The following POLR2F variants were observed in gnomAD, a reference collection of about 807,000 sequenced individuals.
The protein encoded by POLR2F is RNA polymerase II, I and III subunit F.
Under a neutral mutation model 22.7 loss-of-function variants are expected in POLR2F, and 12 were observed. The ratio of observed to expected loss-of-function variants is 0.53; its 90% CI spans 0.34 to 0.86. POLR2F has a LOEUF of 0.86. Among genes scored for constraint, POLR2F ranks in the 40% least tolerant of loss-of-function variants. The probability of loss-of-function intolerance (pLI) is 0.02; values close to 1 mark genes in which losing one functional copy is unlikely to be tolerated. For synonymous variants in POLR2F, 57 were observed against 66.0 expected (o/e 0.86, Z 0.66); for missense variants, 126 against 171.5 (o/e 0.73, Z 1.48).
rs1023129675 is a variant in POLR2F at position 37,968,371 on chromosome 22, G to A, written c.*656G>A. The A allele has an allele frequency of 6.1e-6, 6 of 985,636 alleles. No individual in the cohort carries two copies. In the African/African-American group the frequency reaches 8.7e-5, roughly 14 times the overall value. 61.1% of individuals were successfully genotyped at this position (985,636 alleles called of 1,614,324 possible). On this transcript the variant is annotated 3_prime_UTR_variant, in exon 5 of 5. Coordinates refer to ENST00000442738, the MANE Select transcript of POLR2F (RefSeq NM_021974.5). ...CTCCTCCTCAGGACTCTGCCCACAC[G>A]CTGTCCTCTGTGGCCCACCTCTTTG...
intron 1 of POLR2F, chr22:37,988,055 G>T (rs1932632227): frequency 6.6e-6 from 1 of 152,012 alleles, no homozygotes; most frequent in African/African-American, 2.4e-5. Flanking sequence ...TGGGTGTGGT[G>T]GCTCACACCT....
At position 37,997,849 on chromosome 22, in the gene POLR2F, G is replaced by C. The variant is rs569720384; in HGVS notation, c.120+11537G>C. ...CCGTCTGTCGAGGGGGGACAGGCAG[G>C]AGGTAAGGATGCGTCCGAGCCTCCC... is the stretch of plus-strand genomic sequence containing the variant. On this transcript the variant is annotated intron_variant, in intron 1 of 2. Transcript: ENST00000333418. The surrounding 1 kb of genome is among the most constrained non-coding windows in gnomAD (Gnocchi z 4.4). Among the ~76,000 whole-genome samples, 2 of 152,296 alleles carry C rather than the reference G, an allele frequency of 1.3e-5. No homozygotes were observed. The highest frequency in any genetic ancestry group is 6.5e-5 in the Admixed American group (1 of 15,288).
In POLR2F at chr22:37,997,846, C is replaced by A. The variant is rs1012819356; in HGVS notation, c.120+11534C>A. On this transcript the variant is annotated intron_variant, in intron 1 of 2. Transcript: ENST00000333418. The surrounding 1 kb of genome is among the most constrained non-coding windows in gnomAD (Gnocchi z 4.4). Reference sequence around the variant, plus strand: ...TCACCGTCTGTCGAGGGGGGACAGGCAGGAGGTAAGGATGCGTCCGAGCCT... The same window carrying A: ...TCACCGTCTGTCGAGGGGGGACAGGAAGGAGGTAAGGATGCGTCCGAGCCT... Among the ~76,000 whole-genome samples, 1 of 152,160 alleles carries A rather than the reference C, an allele frequency of 6.6e-6. No homozygotes were observed. The highest frequency in any genetic ancestry group is 2.4e-5 in the African/African-American group (1 of 41,436).
At chr22:38,038,586 G>T (rs898573911) in intron 5 of POLR2F, among the ~76,000 whole-genome samples, 2 of 152,134 alleles carry the variant, frequency 1.3e-5, no homozygotes, top group Non-Finnish European at 2.9e-5. Context: ...GCGCCCATGG[G>T]GTTAAATCTC....
chr22:37,959,874 G>A (rs185415781), intron 3 of POLR2F, among the ~76,000 whole-genome samples: 1 of 149,512 alleles, frequency 6.7e-6, no homozygotes, highest in African/African-American at 2.5e-5. Flanking sequence ...CACAATCTCA[G>A]CTCACTGCAA....
Position 37,967,140 on chromosome 22 carries a change from A to G in POLR2F, c.263A>G (p.Asp88Gly). ...PVMVELEGET[D>G]PLLIAMKELK... Reference sequence around the variant, plus strand: ...ATGGTGGAGCTGGAGGGGGAGACAGATCCTCTGCTCATTGCCATGAAGGAA... The same window carrying G: ...ATGGTGGAGCTGGAGGGGGAGACAGGTCCTCTGCTCATTGCCATGAAGGAA... The change falls in exon 4 of 5, where the codon GAT becomes GGT. Residue 88 changes from aspartate (D) to glycine (G), a missense_variant. By Grantham distance (94) the Asp-to-Gly change is moderately conservative. Transcript: ENST00000442738. The G allele has an allele frequency of 6.2e-7, 1 of 1,613,708 alleles. No individual in the cohort carries two copies. Among genetic ancestry groups the G allele is most frequent in the Non-Finnish European group, 8.5e-7 (1 of 1,179,738 alleles).
chr22:38,012,426 G>A (rs1359478830), intron 1 of POLR2F, among the ~76,000 whole-genome samples: 2 of 152,218 alleles, frequency 1.3e-5, no homozygotes, highest in Admixed American at 6.5e-5. Flanking sequence ...TTACAGAAGC[G>A]TTGCCAAGGC....
chr22:38,032,519 G>A (rs1052077149), intron 5 of POLR2F: 4 of 152,242 alleles, frequency 2.6e-5, no homozygotes, highest in African/African-American at 9.7e-5. Context: ...GAGAGACCGG[G>A]GTCTCTGCCC....
chr22:38,009,989 A>G (rs974720669), intron 1 of POLR2F, among the ~76,000 whole-genome samples: 4 of 152,246 alleles, frequency 2.6e-5, no homozygotes, highest in African/African-American at 9.6e-5. Context: ...ACATTCATGT[A>G]CAAGTTGTGT....
chr22:38,001,753 C>G (rs1282054753), intron 1 of POLR2F, among the ~76,000 whole-genome samples: 2 of 151,126 alleles, frequency 1.3e-5, no homozygotes, highest in African/African-American at 4.9e-5. Context: ...GGCTGGTCTC[C>G]ATCTCCTGAC....
chr22:38,013,235 T>G (rs1182635196), intron 1 of POLR2F, among the ~76,000 whole-genome samples: 2 of 152,190 alleles, frequency 1.3e-5, no homozygotes, highest in Admixed American at 1.3e-4. Flanking sequence ...AACCTCTGCC[T>G]CCCGGTTTCA....
chr22:37,979,788 G>C (rs1932339473), intron 4 of POLR2F, among the ~76,000 whole-genome samples: 1 of 152,086 alleles, frequency 6.6e-6, no homozygotes, highest in South Asian at 2.1e-4. Flanking sequence ...CTTACAGAGG[G>C]GGTCGAGGGG....
intron 1 of POLR2F, among the ~76,000 whole-genome samples, chr22:38,008,675 C>T (rs2084845073): frequency 6.6e-6 from 1 of 151,886 alleles, no homozygotes; most frequent in African/African-American, 2.4e-5. Context: ...AGTTCGAGAC[C>T]AGGCTGGCCA....
chr22:38,033,426 A>G (rs577838829), intron 5 of POLR2F, among the ~76,000 whole-genome samples: 17 of 152,334 alleles, frequency 1.1e-4, no homozygotes, highest in Non-Finnish European at 2.2e-4. Context: ...TAGAGGTTGC[A>G]GCGGGGTTCA....
At chr22:38,035,537 C>T (rs3026675) in intron 5 of POLR2F, among the ~76,000 whole-genome samples, 2,442 of 152,288 alleles carry the variant, frequency 0.016, 73 homozygotes, top group African/African-American at 0.057. Flanking sequence ...CTATCCTGCT[C>T]GTGTCCTCGG....
At chr22:38,009,410 C>G (rs139900) in intron 1 of POLR2F, among the ~76,000 whole-genome samples, 1 of 151,974 alleles carries the variant, frequency 6.6e-6, no homozygotes, top group African/African-American at 2.4e-5. Flanking sequence ...GGCCAGGGAG[C>G]TGGGGGTGGC....
intron 4 of POLR2F, among the ~76,000 whole-genome samples, chr22:37,976,659 A>G (rs1035173784): frequency 6.6e-6 from 1 of 152,218 alleles, no homozygotes; most frequent in African/African-American, 2.4e-5. Context: ...TTTGTTTCTC[A>G]TCAGTAAAAT....
intron 1 of POLR2F, among the ~76,000 whole-genome samples, chr22:37,995,090 CTGCTG>C (rs1428478113): frequency 6.6e-6 from 1 of 152,238 alleles, no homozygotes; most frequent in Non-Finnish European, 1.5e-5. Context: ...GTCCCAGCTC[CTGCTG>C]TGTGATCTTG....
chr22:38,001,379 G>T (rs1010438126), intron 1 of POLR2F, among the ~76,000 whole-genome samples: 2 of 152,196 alleles, frequency 1.3e-5, no homozygotes, highest in African/African-American at 4.8e-5. Context: ...GACAGATACA[G>T]AAATAATGTG....
Sources: gnomAD v4.1 joint callset for allele counts (sites outside exome capture counted in the v4.1 genomes callset) on GRCh38, gnomAD v4.1.1 for gene constraint, Gnocchi (gnomAD v3.1) non-coding constraint, MANE v1.5 for transcripts, NCBI Gene and HGNC (gene_info 2026-07-23, HGNC 2026-07-21) for gene names.